Variants in PHEX observed in about 807,000 individuals in gnomAD.
The protein encoded by PHEX is phosphate-regulating neutral endopeptidase PHEX.
PHEX carries 16 observed loss-of-function variants against 68.0 expected under a neutral mutation model. That is an observed-to-expected ratio of 0.24 (90% CI 0.16 to 0.36). The LOEUF (loss-of-function observed/expected upper bound fraction) is 0.36. PHEX is among the 10% of genes least tolerant of loss of function. PHEX has a pLI of 1.00. For missense variants in PHEX, 480 were observed against 575.5 expected, an observed-to-expected ratio of 0.83 and a Z score of 1.70; for synonymous variants, 208 against 205.1, an observed-to-expected ratio of 1.01 and a Z score of -0.12.
chrX:22,136,626 C>A (rs1172390798), intron 12 of PHEX, among the ~76,000 whole-genome samples: 1 of 111,938 alleles, frequency 8.9e-6, no homozygotes, highest in Non-Finnish European at 1.9e-5. Context: ...GAAGTGTTAA[C>A]CTCAGCATTC....
chrX:22,190,681 GT>G (rs202159277), intron 15 of PHEX, among the ~76,000 whole-genome samples, 179 bp downstream of exon 15: 1 of 111,254 alleles, frequency 9.0e-6, no homozygotes, highest in East Asian at 2.8e-4. Context: ...CACCTTACCA[GT>G]TTTTTTTAAA....
chrX:22,115,291 A>G (rs954315772), intron 11 of PHEX, among the ~76,000 whole-genome samples: 5 of 112,422 alleles, frequency 4.4e-5, no homozygotes, highest in Non-Finnish European at 1.9e-5. Context: ...AGATCGCGCC[A>G]CTGCCCTTCA....
intron 18 of PHEX, among the ~76,000 whole-genome samples, chrX:22,224,985 C>CGCTGTATGATTTATTA (rs1935418804): frequency 2.8e-5 from 3 of 107,161 alleles, no homozygotes; most frequent in Non-Finnish European, 3.9e-5. Flanking sequence ...TATCATACAG[C>CGCTGTATGATTTATTA]TCTGTATGTC....
intron 11 of PHEX, among the ~76,000 whole-genome samples, chrX:22,127,820 G>T (rs1168692633): frequency 9.1e-6 from 1 of 109,781 alleles, no homozygotes; most frequent in African/African-American, 3.3e-5. Context: ...ATTTACCCGC[G>T]TTTTGACAAA....
intron 20 of PHEX, among the ~76,000 whole-genome samples, chrX:22,238,839 G>A (rs774576580): frequency 6.3e-5 from 7 of 111,888 alleles, no homozygotes; most frequent in Non-Finnish European, 5.6e-5. Flanking sequence ...AGACTTAAAC[G>A]TCCCTGCCTG....
chrX:22,142,572 G>A (rs1932515885), intron 12 of PHEX, among the ~76,000 whole-genome samples: 1 of 111,906 alleles, frequency 8.9e-6, no homozygotes, highest in Non-Finnish European at 1.9e-5. Context: ...TCAAAAAAAG[G>A]GAATTGGAAT....
intron 9 of PHEX, among the ~76,000 whole-genome samples, chrX:22,108,225 G>C (rs1602300881): frequency 8.9e-6 from 1 of 111,851 alleles, no homozygotes; most frequent in Non-Finnish European, 1.9e-5. Context: ...TGGTGTCTTA[G>C]GGGAATGCGC....
chrX:22,139,190 T>TG (rs1362091312), intron 12 of PHEX, among the ~76,000 whole-genome samples: 7 of 111,810 alleles, frequency 6.3e-5, no homozygotes, highest in African/African-American at 2.3e-4. Flanking sequence ...AAAGAGCCAC[T>TG]GTGCCTAAAG....
chrX:22,245,628 T>C (rs1210558879), intron 21 of PHEX, among the ~76,000 whole-genome samples: 1 of 112,123 alleles, frequency 8.9e-6, no homozygotes, highest in Non-Finnish European at 1.9e-5. Flanking sequence ...CTCTCTCACC[T>C]GAATTTCTGC....
chrX:22,235,944 AATACCTCCATC>A (rs1386369322), intron 20 of PHEX, among the ~76,000 whole-genome samples: 4 of 111,110 alleles, frequency 3.6e-5, no homozygotes, highest in African/African-American at 1.3e-4. Flanking sequence ...ATTGAAGCCA[AATACCTCCATC>A]TGGCTTCCCA....
At chrX:22,058,738 A>G (rs1448392280) in intron 3 of PHEX, among the ~76,000 whole-genome samples, 2 of 112,453 alleles carry the variant, frequency 1.8e-5, no homozygotes, top group African/African-American at 3.2e-5. Flanking sequence ...ATTGGTAAAA[A>G]TAAGAATAAC....
chrX:22,073,041 G>A (rs1029207405), intron 3 of PHEX, among the ~76,000 whole-genome samples: 1 of 111,950 alleles, frequency 8.9e-6, no homozygotes, highest in Non-Finnish European at 1.9e-5. Flanking sequence ...GAGAGCATGG[G>A]GCTTTGCAAG....
chrX:22,116,915 G>A lies in PHEX; in HGVS notation c.1302+2329G>A, dbSNP rs548529040. On this transcript the variant is annotated intron_variant, in intron 11 of 21. Coordinates refer to ENST00000379374, the MANE Select transcript of PHEX (RefSeq NM_000444.6). ...TTTAGGATTAAACAAGTTTTATTGG[G>A]GGTCTGAAGAAACTCCACAGGCCTC... 1.6e-4 allele frequency among the ~76,000 whole-genome samples: 18 copies of A among 110,810 alleles called. No individual in the cohort carries two copies. The South Asian group carries it at 6.7e-3, about 41-fold the overall frequency.
intron 12 of PHEX, among the ~76,000 whole-genome samples, chrX:22,155,558 G>A (rs1932932412): frequency 9.0e-6 from 1 of 111,592 alleles, no homozygotes; most frequent in Non-Finnish European, 1.9e-5. Flanking sequence ...ATTTGAAAAT[G>A]TTTTTAAATA....
In PHEX at chrX:22,099,208, G is replaced by A. The variant is rs190284402; in HGVS notation, c.1079+57G>A. 182 of 1,037,663 alleles carry A rather than the reference G, an allele frequency of 1.8e-4. No homozygotes were observed. In the African/African-American group the frequency reaches 2.9e-3, roughly 17 times the overall value. 85.5% of individuals were successfully genotyped at this position (1,037,663 alleles called of 1,213,427 possible). A position where few individuals can be genotyped will look rare whatever the true frequency, so the allele number is the denominator to read the frequency against. On this transcript the variant is annotated intron_variant, in intron 9 of 21. Transcript: ENST00000379374. ...TTTTGTGTTTTCTTTAAATTATAAG[G>A]GCTTCCCTTCTCACATCCTTTGAAA...
intron 12 of PHEX, among the ~76,000 whole-genome samples, chrX:22,150,697 G>A (rs765257314): frequency 8.9e-6 from 1 of 112,169 alleles, no homozygotes; most frequent in Non-Finnish European, 1.9e-5. Flanking sequence ...TTTTTGAGCC[G>A]TATCTTGCTT....
intron 2 of PHEX, among the ~76,000 whole-genome samples, chrX:22,044,485 G>A (rs1927422195): frequency 1.8e-5 from 2 of 111,369 alleles, no homozygotes; most frequent in South Asian, 3.8e-4. Context: ...GCCAAGGTGG[G>A]TGGATCATGA....
At chrX:22,245,648 C>G (rs1936370733) in intron 21 of PHEX, among the ~76,000 whole-genome samples, 1 of 111,979 alleles carries the variant, frequency 8.9e-6, no homozygotes, top group Non-Finnish European at 1.9e-5. Flanking sequence ...CTGATGGTAC[C>G]TGTACATATC....
chrX:22,197,887 G>C (rs915461112), intron 15 of PHEX, among the ~76,000 whole-genome samples: 1 of 108,904 alleles, frequency 9.2e-6, no homozygotes, highest in African/African-American at 3.3e-5. Flanking sequence ...TGCAACCTTG[G>C]GCAAGTTACT....
Sources: gnomAD v4.1 joint callset for allele counts (sites outside exome capture counted in the v4.1 genomes callset) on GRCh38, gnomAD v4.1.1 for gene constraint, MANE v1.5 for transcripts, NCBI Gene and HGNC (gene_info 2026-07-23, HGNC 2026-07-21) for gene names.